RABEPK: variants seen among roughly 807,000 people sequenced by gnomAD.
RABEPK encodes Rab9 effector protein with kelch motifs.
In RABEPK, 27 loss-of-function variants were observed where a neutral mutation model predicts 34.1. That is an observed-to-expected ratio of 0.79 (90% CI 0.58 to 1.09). The LOEUF (loss-of-function observed/expected upper bound fraction) is 1.09. RABEPK is among the 50% of genes least tolerant of loss of function. RABEPK has a pLI of 0.00. For missense variants in RABEPK, 449 were observed against 462.6 expected (o/e 0.97, Z 0.27); for synonymous variants, 172 against 169.2 (o/e 1.02, Z -0.13).
In RABEPK at chr9:125,205,486, C is replaced by T. The variant is rs117672395; in HGVS notation, c.54-2078C>T. The stretch of plus-strand genomic sequence containing the variant: ...ATGGTAACAGCTGTTATCCTCAAAG[C>T]GTTTTTTTAGTTTTTGTTTGTCTTT... On this transcript the variant is annotated intron_variant, in intron 2 of 7. Transcript: ENST00000373538. Among the ~76,000 whole-genome samples the T allele has an allele frequency of 1.6e-3, 240 of 152,116 alleles. 1 individual carries two copies. Among genetic ancestry groups the T allele is most frequent in the Non-Finnish European group, 2.3e-3 (159 of 67,988 alleles).
At position 125,220,360 on chromosome 9, in the gene RABEPK, C is replaced by A. The variant is rs143639936; in HGVS notation, c.365-179C>A. ...TCTTGGGGATTTTGGACTGTCTTGG[C>A]AAATCCTAAGTATCATCTTCATTCT... is the stretch of plus-strand genomic sequence containing the variant. On this transcript the variant is annotated intron_variant, in intron 4 of 7. Coordinates refer to ENST00000373538, the MANE Select transcript of RABEPK (RefSeq NM_005833.4). 4.1e-4 allele frequency: 596 copies of A among 1,460,592 alleles called. 4 individuals carry two copies. In the East Asian group the frequency reaches 0.014, roughly 34 times the overall value. The allele number at this position is 1,460,592 out of a possible 1,614,324, so 90.5% of individuals were successfully genotyped here. A position where few individuals can be genotyped will look rare whatever the true frequency, so the allele number is the denominator to read the frequency against.
intron 2 of RABEPK, among the ~76,000 whole-genome samples, chr9:125,204,913 G>A (rs979389340): frequency 6.6e-6 from 1 of 152,010 alleles, no homozygotes; most frequent in Non-Finnish European, 1.5e-5. Flanking sequence ...TTATAGCCTC[G>A]ACCTCCTGGC....
At chr9:125,204,526 A>T (rs1478005626) in intron 2 of RABEPK, among the ~76,000 whole-genome samples, 1 of 151,838 alleles carries the variant, frequency 6.6e-6, no homozygotes, top group East Asian at 1.9e-4. Flanking sequence ...GGTTGCAGCA[A>T]GCCGAGATGG....
At chr9:125,212,161 G>A (rs951507708) in intron 3 of RABEPK, among the ~76,000 whole-genome samples, 1 of 152,220 alleles carries the variant, frequency 6.6e-6, no homozygotes, top group African/African-American at 2.4e-5. Context: ...GATAATGCCT[G>A]TAAAGGTCTT....
At chr9:125,210,839 G>A (rs1446233959) in intron 3 of RABEPK, among the ~76,000 whole-genome samples, 3 of 135,478 alleles carry the variant, frequency 2.2e-5, no homozygotes, top group African/African-American at 9.4e-5. Flanking sequence ...TTAATCTTAA[G>A]TTTTGTTTTT....
At chr9:125,233,631 C>T (rs1432629689) in intron 7 of RABEPK, 57 bp from the exon 8 acceptor site, 55 of 1,553,092 alleles carry the variant, frequency 3.5e-5, no homozygotes, top group Non-Finnish European at 4.0e-5. Context: ...CGTGAGCCAC[C>T]GTGCCCGGCC....
intron 4 of RABEPK, among the ~76,000 whole-genome samples, chr9:125,217,390 T>A (rs1830998774): frequency 6.6e-6 from 1 of 151,984 alleles, no homozygotes. Flanking sequence ...GATTTTATTT[T>A]ATTTATTTAT....
intron 1 of RABEPK, 115 bp from the exon 2 acceptor site, chr9:125,202,893 A>G (rs1228736072): frequency 3.7e-6 from 2 of 538,872 alleles, no homozygotes; most frequent in South Asian, 3.7e-5. Context: ...TTCTTATTCA[A>G]ATCAATCAGG....
Position 125,220,627 on chromosome 9 carries a change from G to A in RABEPK, c.453G>A (p.Gln151=). The stretch of plus-strand genomic sequence containing the variant: ...CATCATCGGCAGCCATTGGAAACCA[G>A]CTATATGTCTTTGGGGGCGGAGAGA... ...FHTSSAAIGN[Q]LYVFGGGERG... is the part of the protein sequence containing the mutation. The change falls in exon 5 of 8, where the codon CAG becomes CAA. Residue 151 remains glutamine (Q), a synonymous_variant. Transcript: ENST00000373538. The A allele has an allele frequency of 6.2e-7, 1 of 1,614,192 alleles. No individual in the cohort carries two copies. Among genetic ancestry groups the A allele is most frequent in the Non-Finnish European group, 8.5e-7 (1 of 1,180,038 alleles).
chr9:125,204,959 C>G (rs1588325978), intron 2 of RABEPK, among the ~76,000 whole-genome samples: 1 of 152,278 alleles, frequency 6.6e-6, no homozygotes, highest in Non-Finnish European at 1.5e-5. Flanking sequence ...TCCCAAGTAA[C>G]TGGGACTGTT....
intron 3 of RABEPK, among the ~76,000 whole-genome samples, chr9:125,212,784 C>G (rs180713395): frequency 3.2e-4 from 49 of 152,044 alleles, no homozygotes; most frequent in South Asian, 1.2e-3. Context: ...AGTCCCCTAC[C>G]TCAGCCTCCC....
chr9:125,221,642 C>A (rs1478596667), intron 5 of RABEPK: 1 of 151,622 alleles, frequency 6.6e-6, no homozygotes, highest in African/African-American at 2.4e-5. Context: ...TTCCTTTCCC[C>A]GCCTCAGGTA....
At chr9:125,225,565 A>G (rs961794028) in intron 5 of RABEPK, among the ~76,000 whole-genome samples, 5 of 151,926 alleles carry the variant, frequency 3.3e-5, no homozygotes, top group African/African-American at 9.7e-5. Context: ...GCTCATGCCT[A>G]TAATCCCAAC....
chr9:125,214,926 G>A (rs1030539409), intron 4 of RABEPK, among the ~76,000 whole-genome samples: 1 of 151,932 alleles, frequency 6.6e-6, no homozygotes, highest in African/African-American at 2.4e-5. Flanking sequence ...AAGTAGCTGG[G>A]ATTACAGGCA....
At chr9:125,226,227 G>GA (rs1350287252) in intron 5 of RABEPK, among the ~76,000 whole-genome samples, 1 of 151,462 alleles carries the variant, frequency 6.6e-6, no homozygotes, top group Non-Finnish European at 1.5e-5. Flanking sequence ...TGAGGCAGGA[G>GA]AATCACTTGA....
At chr9:125,205,964 T>C (rs764377083) in intron 2 of RABEPK, among the ~76,000 whole-genome samples, 25 of 151,294 alleles carry the variant, frequency 1.7e-4, no homozygotes, top group Non-Finnish European at 3.5e-4. Flanking sequence ...TGACGGAGAG[T>C]CAGGAGGTGG....
At chr9:125,223,618 C>T (rs191728172) in intron 5 of RABEPK, among the ~76,000 whole-genome samples, 1 of 151,530 alleles carries the variant, frequency 6.6e-6, no homozygotes, top group East Asian at 1.9e-4. Flanking sequence ...ATAATCCCAT[C>T]GGCTCAGGAG....
rs1370933552 is a variant in RABEPK, at chr9:125,211,307, G to A, written c.212-2063G>A. Among the ~76,000 whole-genome samples, 4 of 151,514 alleles carry A rather than the reference G, an allele frequency of 2.6e-5. No homozygotes were observed. The East Asian group carries it at 6.1e-4, about 23-fold the overall frequency. ...TGGAACTACAGGCACGTGCCACCAT[G>A]CCCCGCTAATTTTTGTATTTTTAGT... On this transcript the variant is annotated intron_variant, in intron 3 of 7. Transcript: ENST00000373538.
chr9:125,207,103 A>T (rs1830274154), intron 2 of RABEPK, among the ~76,000 whole-genome samples: 1 of 151,944 alleles, frequency 6.6e-6, no homozygotes, highest in African/African-American at 2.4e-5. Context: ...AAAAAAAAAA[A>T]AAGAACCATT....
Sources: gnomAD v4.1 joint callset for allele counts (sites outside exome capture counted in the v4.1 genomes callset) on GRCh38, gnomAD v4.1.1 for gene constraint, MANE v1.5 for transcripts, NCBI Gene and HGNC (gene_info 2026-07-23, HGNC 2026-07-21) for gene names.